The following WDR26 variants were observed in gnomAD, a reference collection of about 807,000 sequenced individuals.
WDR26 encodes the protein WD repeat domain 26, also known as WD repeat-containing protein 26.
WDR26 carries 5 observed loss-of-function variants against 84.1 expected under a neutral mutation model. The observed-to-expected ratio is 0.06, with a 90% CI of 0.03 to 0.13. WDR26 has a LOEUF of 0.13. WDR26 is among the 10% of genes least tolerant of loss of function. The pLI is 1.00. For synonymous variants in WDR26, 415 were observed against 389.6 expected, an observed-to-expected ratio of 1.07 and a Z score of -0.77; for missense variants, 642 against 974.9, an observed-to-expected ratio of 0.66 and a Z score of 4.55.
chr1:224,426,601 C>T (rs1289681341), intron 3 of WDR26, among the ~76,000 whole-genome samples: 3 of 150,850 alleles, frequency 2.0e-5, no homozygotes, highest in Admixed American at 6.6e-5. Flanking sequence ...TGAAGTTAAC[C>T]TTTCTATGTT....
intron 13 of WDR26, 112 bp downstream of exon 13, chr1:224,393,716 G>A: frequency 2.2e-6 from 2 of 900,650 alleles, no homozygotes; most frequent in Non-Finnish European, 3.2e-6. Context: ...GTAAAAGAGA[G>A]AAATCATATA....
chr1:224,418,106 T>TA, intron 6 of WDR26, among the ~76,000 whole-genome samples, 154 bp downstream of exon 6: 1 of 152,250 alleles, frequency 6.6e-6, no homozygotes, highest in African/African-American at 2.4e-5. Flanking sequence ...AAATTTCTCA[T>TA]AATTTTCAAT....
At chr1:224,394,312 G>A (rs1673200813) in intron 12 of WDR26, among the ~76,000 whole-genome samples, 1 of 152,104 alleles carries the variant, frequency 6.6e-6, no homozygotes, top group South Asian at 2.1e-4. Flanking sequence ...AACAAATCCA[G>A]GATAGAGATA....
At chr1:224,390,943 G>C (rs1189737046) in intron 13 of WDR26, among the ~76,000 whole-genome samples, 3 of 152,046 alleles carry the variant, frequency 2.0e-5, no homozygotes, top group Non-Finnish European at 4.4e-5. Context: ...GTTGTCTATA[G>C]ATCTGTCTAG....
chr1:224,410,693 T>C (rs968825190), intron 7 of WDR26, among the ~76,000 whole-genome samples: 1 of 138,548 alleles, frequency 7.2e-6, no homozygotes, highest in Non-Finnish European at 1.5e-5. Flanking sequence ...AATCTTTCTT[T>C]CTTTTTTTTT....
At chr1:224,424,845 C>T in intron 3 of WDR26, 191 bp from the exon 4 acceptor site, 1 of 639,282 alleles carries the variant, frequency 1.6e-6, no homozygotes, top group East Asian at 2.8e-5. Flanking sequence ...TTGCTCAATT[C>T]CACATCTTAC....
chr1:224,418,362 C>T lies in WDR26; in HGVS notation c.1217G>A (p.Arg406Gln), dbSNP rs565415424. 8.5e-5 allele frequency: 137 copies of T among 1,613,380 alleles called. No individual in the cohort carries two copies. The South Asian group carries it at 1.4e-3, about 17-fold the overall frequency. ...ATCCCTTTGTAGTTCCACCGCCTGC[C>T]GCAGGAGAGTCTGTAAACGCCGTGG... Residue 406 changes from arginine to glutamine, a missense_variant, in exon 6 of 14, where the codon CGG (arginine) becomes CAG (glutamine). Physicochemically the swap from Arg to Gln is conservative, Grantham distance 43 (BLOSUM62 1). Coordinates refer to ENST00000414423, the MANE Select transcript of WDR26 (RefSeq NM_001379403.1).
intron 6 of WDR26, chr1:224,413,207 A>G: frequency 1.0e-4 from 65 of 644,902 alleles, no homozygotes; most frequent in Middle Eastern, 3.4e-4. Flanking sequence ...AACAACAAAA[A>G]CCCCCCCCCC....
intron 6 of WDR26, among the ~76,000 whole-genome samples, chr1:224,411,996 T>C (rs949995329): frequency 6.6e-6 from 1 of 152,050 alleles, no homozygotes; most frequent in Non-Finnish European, 1.5e-5. Context: ...AGTGAGATCA[T>C]TTCAAAAAAC....
At position 224,392,883 on chromosome 1, in the gene WDR26, A is replaced by C. The variant is rs190571851; in HGVS notation, c.2260+945T>G. Reference sequence around the variant, plus strand: ...ACAGAGAATCACTTAACTGAGAGCAATTAGTCATCTTTCTCACTAAAAAAA... The same window carrying C: ...ACAGAGAATCACTTAACTGAGAGCACTTAGTCATCTTTCTCACTAAAAAAA... On this transcript the variant is annotated intron_variant, in intron 13 of 13. Transcript: ENST00000414423. Among the ~76,000 whole-genome samples the C allele has an allele frequency of 5.3e-3, 799 of 152,170 alleles. 4 individuals carry two copies. The highest frequency in any genetic ancestry group is 7.0e-3 in the Non-Finnish European group (474 of 67,988).
At chr1:224,407,172 A>ATATATATATATATAT (rs1491214480) in intron 7 of WDR26, among the ~76,000 whole-genome samples, 1 of 111,976 alleles carries the variant, frequency 8.9e-6, no homozygotes, top group African/African-American at 3.7e-5. Context: ...ATATATATAT[A>ATATATATATATATAT]ACTCAAAAAC....
chr1:224,398,277 T>C (rs751429052), intron 11 of WDR26, 51 bp from the exon 12 acceptor site: 92 of 1,574,600 alleles, frequency 5.8e-5, no homozygotes, highest in Non-Finnish European at 7.2e-5. Context: ...CTCAAACAAA[T>C]TTTAAAAAGT....
intron 12 of WDR26, 48 bp from the exon 13 acceptor site, chr1:224,394,061 C>T (rs758978984): frequency 1.5e-6 from 2 of 1,347,604 alleles, no homozygotes; most frequent in South Asian, 2.3e-5. Context: ...ATAAAACCAA[C>T]TAACTGATCT....
intron 3 of WDR26, chr1:224,431,257 G>A: frequency 4.7e-6 from 2 of 429,240 alleles, no homozygotes; most frequent in South Asian, 7.0e-5. Context: ...TATATTTTTT[G>A]TAGAGCTTAA....
intron 3 of WDR26, among the ~76,000 whole-genome samples, chr1:224,426,508 T>C (rs1008471451): frequency 9.2e-5 from 14 of 152,108 alleles, no homozygotes; most frequent in Admixed American, 5.9e-4. Context: ...ATTTTACATA[T>C]AAATTTAGAA....
rs1572179797 is a variant in WDR26, at chr1:224,407,676, T to A, written c.1459-3106A>T. Among the ~76,000 whole-genome samples the A allele has an allele frequency of 2.0e-5, 3 of 151,664 alleles. No individual in the cohort carries two copies. The East Asian group carries it at 5.8e-4, about 29-fold the overall frequency. ...GGCACGCACTACCATGCCAGACTAA[T>A]TTTTTTTATTTTTACTAGAGATGGG... On this transcript the variant is annotated intron_variant, in intron 7 of 13. Coordinates refer to ENST00000414423, the MANE Select transcript of WDR26 (RefSeq NM_001379403.1).
chr1:224,399,078 C>G (rs762560701), intron 9 of WDR26, 44 bp from the exon 10 acceptor site: 16 of 1,433,186 alleles, frequency 1.1e-5, no homozygotes, highest in Non-Finnish European at 1.5e-5. Flanking sequence ...CTCAACAGCA[C>G]TCAGAAAGCA....
intron 13 of WDR26, among the ~76,000 whole-genome samples, chr1:224,392,727 C>T (rs1214561382): frequency 6.6e-6 from 1 of 152,090 alleles, no homozygotes; most frequent in Non-Finnish European, 1.5e-5. Context: ...GTTTTGTATT[C>T]TCATCTCTGA....
chr1:224,410,198 T>TCAGCCCTCAC (rs1673695187), intron 7 of WDR26, among the ~76,000 whole-genome samples: 1 of 149,650 alleles, frequency 6.7e-6, no homozygotes, highest in South Asian at 2.1e-4. Flanking sequence ...GGAGAATCCC[T>TCAGCCCTCAC]TGAACCCAGG....
Sources: allele counts gnomAD v4.1 joint callset (sites outside exome capture counted in the v4.1 genomes callset), GRCh38; gene constraint gnomAD v4.1.1; transcripts MANE v1.5; gene names NCBI Gene and HGNC (gene_info 2026-07-23, HGNC 2026-07-21).